The following SLC25A21 variants were observed in gnomAD, a reference collection of about 807,000 sequenced individuals.
SLC25A21 encodes solute carrier family 25 member 21.
A neutral mutation model predicts 43.8 loss-of-function variants in SLC25A21; 47 were observed. That is an observed-to-expected ratio of 1.07 (90% confidence interval 0.85 to 1.37). SLC25A21 has a LOEUF of 1.37. Ranked by LOEUF, SLC25A21 falls within the 40% of genes most tolerant of loss-of-function variation. SLC25A21 has a pLI of 0.00. For missense variants in SLC25A21, 352 were observed against 350.2 expected (o/e 1.00, Z -0.04); for synonymous variants, 131 against 121.3 (o/e 1.08, Z -0.52).
Position 37,104,757 on chromosome 14 carries a change from G to A in SLC25A21, c.70+67524C>T, listed in dbSNP as rs149054083. Among the ~76,000 whole-genome samples the A allele has an allele frequency of 1.1e-4, 16 of 152,292 alleles. No homozygotes were observed. The East Asian group carries it at 2.9e-3, about 28-fold the overall frequency. On this transcript the variant is annotated intron_variant, in intron 1 of 9. Coordinates refer to ENST00000331299, the MANE Select transcript of SLC25A21 (RefSeq NM_030631.4). The stretch of plus-strand genomic sequence containing the variant: ...CTTGCTCAAGATCACACAGGTAGGA[G>A]GTGGCCCAGCCCAAGGTTTATCCTA...
Position 37,051,161 on chromosome 14 carries a change from C to T in SLC25A21, c.70+121120G>A, listed in dbSNP as rs537087477. Among the ~76,000 whole-genome samples, 24 of 152,276 alleles carry T rather than the reference C, an allele frequency of 1.6e-4. No individual in the cohort carries two copies. In the South Asian group the frequency reaches 2.3e-3, roughly 14 times the overall value. On this transcript the variant is annotated intron_variant, in intron 1 of 9. Transcript: ENST00000331299. ...TTTGCCTATTGTTCACTGTTTTATT[C>T]TCACTCCATAAGTCTAAGCACCGCA...
chr14:36,947,078 C>T (rs1267749008), intron 1 of SLC25A21, among the ~76,000 whole-genome samples: 4 of 152,118 alleles, frequency 2.6e-5, no homozygotes, highest in Non-Finnish European at 5.9e-5. Flanking sequence ...TACTCTTTGG[C>T]GGTTTCAATT....
At chr14:36,925,906 T>C (rs149475384) in intron 1 of SLC25A21, among the ~76,000 whole-genome samples, 16 of 151,814 alleles carry the variant, frequency 1.1e-4, no homozygotes, top group Middle Eastern at 3.4e-3. Context: ...AAGAAGAGAA[T>C]TGAAAGAAGT....
At chr14:37,109,136 A>C (rs1201639589) in intron 1 of SLC25A21, among the ~76,000 whole-genome samples, 2 of 152,188 alleles carry the variant, frequency 1.3e-5, no homozygotes, top group Non-Finnish European at 2.9e-5. Flanking sequence ...AGAAGTTTCA[A>C]TTAGTTGATC....
At chr14:37,096,275 A>G (rs1346233993) in intron 1 of SLC25A21, among the ~76,000 whole-genome samples, 1 of 152,188 alleles carries the variant, frequency 6.6e-6, no homozygotes. Flanking sequence ...GTAGTTATAA[A>G]CAGTCTTTTA....
chr14:36,984,062 A>G (rs1023271987), intron 1 of SLC25A21, among the ~76,000 whole-genome samples: 2 of 152,138 alleles, frequency 1.3e-5, no homozygotes, highest in African/African-American at 4.8e-5. Flanking sequence ...AGGTTCACTA[A>G]AAGCCCAAAG....
intron 4 of SLC25A21, 35 bp downstream of exon 4, chr14:36,734,472 T>C (rs764512696): frequency 3.9e-6 from 6 of 1,556,002 alleles, no homozygotes; most frequent in Non-Finnish European, 4.4e-6. Context: ...TACTGTGCCC[T>C]ACTTTTGCTT....
intron 1 of SLC25A21, among the ~76,000 whole-genome samples, chr14:37,123,259 C>T (rs1268203689): frequency 6.6e-6 from 1 of 152,168 alleles, no homozygotes; most frequent in Non-Finnish European, 1.5e-5. Flanking sequence ...TGGAGCCAGG[C>T]TTGGTGTACC....
intron 1 of SLC25A21, among the ~76,000 whole-genome samples, chr14:36,912,724 C>G (rs1891727033): frequency 6.6e-6 from 1 of 152,136 alleles, no homozygotes. Flanking sequence ...AGAATGTAAG[C>G]CTCTGTCTGG....
At chr14:36,891,459 A>G (rs1891069747) in intron 1 of SLC25A21, among the ~76,000 whole-genome samples, 2 of 152,166 alleles carry the variant, frequency 1.3e-5, no homozygotes. Context: ...GAAGAGCAAC[A>G]TTTCTATTAT....
chr14:36,867,790 CGTGTGTGT>C (rs10606711), intron 2 of SLC25A21, among the ~76,000 whole-genome samples: 107 of 146,224 alleles, frequency 7.3e-4, no homozygotes, highest in African/African-American at 1.9e-3. Context: ...ACCATGCTTT[CGTGTGTGT>C]GTGTGTGTGT....
intron 3 of SLC25A21, among the ~76,000 whole-genome samples, chr14:36,789,780 A>ATT: frequency 8.4e-6 from 1 of 119,120 alleles, no homozygotes; most frequent in Admixed American, 1.0e-4. Flanking sequence ...AATACATTTT[A>ATT]TATATTTATA....
At chr14:36,986,917 T>G (rs1342888504) in intron 1 of SLC25A21, among the ~76,000 whole-genome samples, 1 of 152,142 alleles carries the variant, frequency 6.6e-6, no homozygotes, top group Non-Finnish European at 1.5e-5. Context: ...AACCATATTT[T>G]GTCTTTATGT....
At chr14:36,983,857 G>C (rs923889710) in intron 1 of SLC25A21, among the ~76,000 whole-genome samples, 5 of 152,098 alleles carry the variant, frequency 3.3e-5, no homozygotes, top group Non-Finnish European at 5.9e-5. Context: ...GATGGAGCTG[G>C]AGGGCATTAT....
At chr14:37,065,344 CAAG>C (rs1421979482) in intron 1 of SLC25A21, among the ~76,000 whole-genome samples, 8 of 152,090 alleles carry the variant, frequency 5.3e-5, no homozygotes, top group African/African-American at 1.7e-4. Flanking sequence ...AAAAAGCTGA[CAAG>C]AAAGTATTTT....
chr14:36,904,626 G>A (rs1004610036), intron 1 of SLC25A21, among the ~76,000 whole-genome samples: 6 of 152,302 alleles, frequency 3.9e-5, no homozygotes, highest in African/African-American at 1.2e-4. Flanking sequence ...ACATGGCTGG[G>A]GAGGCCTTAG....
intron 1 of SLC25A21, among the ~76,000 whole-genome samples, chr14:36,891,146 CCTAA>C (rs1014958759): frequency 6.6e-6 from 1 of 152,046 alleles, no homozygotes; most frequent in South Asian, 2.1e-4. Flanking sequence ...AGGCGGTGGC[CCTAA>C]CTTTCTGTCA....
At chr14:36,713,560 T>C (rs1883986822) in intron 6 of SLC25A21, among the ~76,000 whole-genome samples, 1 of 152,190 alleles carries the variant, frequency 6.6e-6, no homozygotes, top group Non-Finnish European at 1.5e-5. Context: ...AAATAGGAGC[T>C]CAGAGCTAGA....
chr14:37,128,677 C>G (rs1393388818), intron 1 of SLC25A21, among the ~76,000 whole-genome samples: 1 of 151,860 alleles, frequency 6.6e-6, no homozygotes, highest in Admixed American at 6.6e-5. Flanking sequence ...TGACCTCCAC[C>G]ACCAGGCTCA....
Sources: gnomAD v4.1 joint callset for allele counts (sites outside exome capture counted in the v4.1 genomes callset) on GRCh38, gnomAD v4.1.1 for gene constraint, MANE v1.5 for transcripts, NCBI Gene and HGNC (gene_info 2026-07-23, HGNC 2026-07-21) for gene names.